The following KIAA1328 variants were observed in gnomAD, a reference collection of about 807,000 sequenced individuals.
KIAA1328 encodes the protein KIAA1328, also known as protein hinderin.
A neutral mutation model predicts 68.1 loss-of-function variants in KIAA1328; 52 were observed. The ratio of observed to expected loss-of-function variants is 0.76; its 90% confidence interval spans 0.61 to 0.96. The LOEUF is 0.96. KIAA1328 is among the 40% of genes least tolerant of loss of function. The pLI, the probability that KIAA1328 is intolerant of heterozygous loss-of-function variation, is 0.00. For synonymous variants in KIAA1328, 232 were observed against 239.4 expected, an observed-to-expected ratio of 0.97 and a Z score of 0.28; for missense variants, 641 against 677.6, an observed-to-expected ratio of 0.95 and a Z score of 0.60.
intron 7 of KIAA1328, among the ~76,000 whole-genome samples, chr18:37,115,381 A>AT (rs2151915210): frequency 6.6e-6 from 1 of 152,308 alleles, no homozygotes; most frequent in African/African-American, 2.4e-5. Context: ...AATAAACGTA[A>AT]TCCATCATAT....
chr18:37,049,631 A>T (rs1314706162), intron 6 of KIAA1328, among the ~76,000 whole-genome samples: 1 of 152,152 alleles, frequency 6.6e-6, no homozygotes, highest in African/African-American at 2.4e-5. Context: ...GCCTTCAGAA[A>T]TGCTTCTCAC....
intron 5 of KIAA1328, among the ~76,000 whole-genome samples, chr18:36,897,610 CAA>C (rs898607691): frequency 6.6e-6 from 1 of 151,990 alleles, no homozygotes; most frequent in African/African-American, 2.4e-5. Flanking sequence ...TATGGTGACA[CAA>C]GAGAATAGTT....
At chr18:36,877,102 G>A (rs916365257) in intron 4 of KIAA1328, among the ~76,000 whole-genome samples, 103 of 152,144 alleles carry the variant, frequency 6.8e-4, no homozygotes, top group African/African-American at 2.4e-3. Context: ...CCAATTATGT[G>A]GTCAATTTTA....
chr18:37,202,816 C>T (rs781517639), intron 9 of KIAA1328, among the ~76,000 whole-genome samples: 13 of 151,956 alleles, frequency 8.6e-5, no homozygotes, highest in Non-Finnish European at 1.6e-4. Context: ...ATGATTTTAA[C>T]GTAAATTTGA....
chr18:37,096,025 C>G (rs2057394663), intron 7 of KIAA1328, among the ~76,000 whole-genome samples: 1 of 151,792 alleles, frequency 6.6e-6, no homozygotes, highest in Admixed American at 6.6e-5. Context: ...AAGGCCCGAA[C>G]TGGGTGGCTT....
At chr18:36,993,614 A>C (rs913245159) in intron 6 of KIAA1328, among the ~76,000 whole-genome samples, 3 of 152,206 alleles carry the variant, frequency 2.0e-5, no homozygotes, top group Non-Finnish European at 4.4e-5. Flanking sequence ...AGAACTAAAG[A>C]TAAAGATATA....
At chr18:37,217,114 C>A (rs1343196487) in intron 9 of KIAA1328, among the ~76,000 whole-genome samples, 1 of 150,922 alleles carries the variant, frequency 6.6e-6, no homozygotes, top group Non-Finnish European at 1.5e-5. Context: ...GGTCTTGATT[C>A]TTTATCCAAT....
intron 7 of KIAA1328, among the ~76,000 whole-genome samples, chr18:37,083,713 G>A (rs1360226214): frequency 6.6e-6 from 1 of 152,128 alleles, no homozygotes; most frequent in Non-Finnish European, 1.5e-5. Flanking sequence ...ATGAGAAGTG[G>A]GTGCTTCCCA....
chr18:36,937,783 C>T (rs185860848), intron 5 of KIAA1328, among the ~76,000 whole-genome samples: 4 of 152,134 alleles, frequency 2.6e-5, no homozygotes, highest in Admixed American at 1.3e-4. Flanking sequence ...TACCCCTTCA[C>T]GGCCTCTGAT....
intron 5 of KIAA1328, among the ~76,000 whole-genome samples, chr18:36,926,720 C>T (rs1283813317): frequency 6.6e-6 from 1 of 152,106 alleles, no homozygotes; most frequent in Non-Finnish European, 1.5e-5. Context: ...TTTCATTTTA[C>T]TAATTTATTT....
chr18:36,845,245 AGAATT>A (rs2046988561), intron 4 of KIAA1328, among the ~76,000 whole-genome samples: 1 of 151,784 alleles, frequency 6.6e-6, no homozygotes, highest in South Asian at 2.1e-4. Context: ...CTCTTTTATT[AGAATT>A]CTTTGGCTGC....
intron 5 of KIAA1328, among the ~76,000 whole-genome samples, chr18:36,916,324 T>G (rs1370350008): frequency 9.2e-5 from 14 of 152,130 alleles, no homozygotes; most frequent in Non-Finnish European, 1.8e-4. Flanking sequence ...GTCTTAAAGC[T>G]CACTGACTCA....
At chr18:36,911,266 C>T (rs1360924049) in intron 5 of KIAA1328, among the ~76,000 whole-genome samples, 1 of 152,074 alleles carries the variant, frequency 6.6e-6, no homozygotes, top group African/African-American at 2.4e-5. Flanking sequence ...ACAGTGATTC[C>T]TAAGGTCTTG....
intron 9 of KIAA1328, among the ~76,000 whole-genome samples, chr18:37,202,749 AT>A (rs936693079): frequency 1.3e-5 from 2 of 152,168 alleles, no homozygotes; most frequent in African/African-American, 2.4e-5. Flanking sequence ...TTAATAACAT[AT>A]TTATATAAAT....
chr18:37,047,407 G>T (rs1301069763), intron 6 of KIAA1328, among the ~76,000 whole-genome samples: 2 of 152,114 alleles, frequency 1.3e-5, no homozygotes, highest in African/African-American at 4.8e-5. Context: ...AATTAAAAGT[G>T]AAACTTCTTC....
chr18:36,999,164 A>T (rs1181903330), intron 6 of KIAA1328, among the ~76,000 whole-genome samples: 1 of 152,226 alleles, frequency 6.6e-6, no homozygotes, highest in East Asian at 1.9e-4. Flanking sequence ...AAAATAGACT[A>T]AATCAGGCAG....
chr18:36,881,702 C>G (rs1568117462), intron 4 of KIAA1328, among the ~76,000 whole-genome samples: 1 of 152,154 alleles, frequency 6.6e-6, no homozygotes, highest in African/African-American at 2.4e-5. Flanking sequence ...AAAATGGAAT[C>G]ATATATGTGA....
At chr18:37,194,860 C>T (rs2059973893) in intron 9 of KIAA1328, among the ~76,000 whole-genome samples, 2 of 151,994 alleles carry the variant, frequency 1.3e-5, no homozygotes, top group Non-Finnish European at 2.9e-5. Flanking sequence ...GGGATTTCAC[C>T]CTGTTGGTCA....
chr18:36,840,669 T>G (rs1032680184), intron 3 of KIAA1328, among the ~76,000 whole-genome samples: 4 of 152,138 alleles, frequency 2.6e-5, no homozygotes, highest in African/African-American at 9.7e-5. Context: ...ACCAGGCTGG[T>G]CTTGAACTCC....
Sources: allele counts gnomAD v4.1 joint callset (sites outside exome capture counted in the v4.1 genomes callset), GRCh38; gene constraint gnomAD v4.1.1; transcripts MANE v1.5; gene names NCBI Gene and HGNC (gene_info 2026-07-23, HGNC 2026-07-21).